The following NECTIN2 variants were observed in gnomAD, a reference collection of about 807,000 sequenced individuals.
The protein encoded by NECTIN2 is nectin cell adhesion molecule 2.
A neutral mutation model predicts 56.9 loss-of-function variants in NECTIN2; 23 were observed. That is an observed-to-expected ratio of 0.40 (90% CI 0.29 to 0.57). The LOEUF is 0.57. Ranked by LOEUF, NECTIN2 falls within the 20% of genes least tolerant of loss-of-function variation. NECTIN2 has a pLI of 0.38. For synonymous variants in NECTIN2, 302 were observed against 313.8 expected (o/e 0.96, Z 0.40); for missense variants, 587 against 718.3 (o/e 0.82, Z 2.09).
At position 44,875,268 on chromosome 19, in the gene NECTIN2, C is replaced by CTT. The variant is rs57907894; in HGVS notation, c.1042+804_1042+805dup. Among the ~76,000 whole-genome samples the CTT allele has an allele frequency of 1.6e-3, 229 of 143,354 alleles. 2 individuals carry two copies. The highest frequency in any genetic ancestry group is 4.6e-3 in the African/African-American group (178 of 38,996). 94.0% of individuals were successfully genotyped at this position (143,354 alleles called of 152,430 possible). ...CAGATGACACCTGGAAAGGGACATT[C>CTT]TTTTTTTTTTTTTTTGAGATGGAGT... On this transcript the variant is annotated intron_variant, in intron 5 of 8. Transcript: ENST00000252483. The surrounding 1 kb of genome is among the most constrained non-coding windows in gnomAD (Gnocchi z 4.2).
chr19:44,856,569 A>G (rs376537935), intron 1 of NECTIN2, among the ~76,000 whole-genome samples: 25 of 152,206 alleles, frequency 1.6e-4, no homozygotes, highest in African/African-American at 5.1e-4. Flanking sequence ...CACAGGCCCA[A>G]ATGGCTTTCC....
Position 44,846,471 on chromosome 19 carries a change from C to T in NECTIN2, c.-55C>T. 7.1e-7 allele frequency: 1 copy of T among 1,412,472 alleles called. No individual in the cohort carries two copies. The highest frequency in any genetic ancestry group is 1.5e-5 in the African/African-American group (1 of 65,674). 87.5% of individuals were successfully genotyped at this position (1,412,472 alleles called of 1,614,324 possible). On this transcript the variant is annotated 5_prime_UTR_variant, in exon 1 of 9. Coordinates refer to ENST00000252483, the MANE Select transcript of NECTIN2 (RefSeq NM_001042724.2). ...TACTAAACCGCCCAGCCGATCGGCC[C>T]CCACAGAGTGGCCCGCGGGCCTCCG...
chr19:44,853,495 CTT>C (rs199956232), intron 1 of NECTIN2, among the ~76,000 whole-genome samples: 2 of 135,292 alleles, frequency 1.5e-5, no homozygotes, highest in Non-Finnish European at 3.2e-5. Context: ...ACAGCTGGCC[CTT>C]TTTTTTTTTG....
intron 2 of NECTIN2, among the ~76,000 whole-genome samples, chr19:44,870,189 G>C (rs1471859874): frequency 2.0e-5 from 3 of 152,168 alleles, no homozygotes; most frequent in Non-Finnish European, 4.4e-5. Context: ...ACCCCAAAGT[G>C]GGTGGAGGCA....
chr19:44,856,325 C>G (rs1279934191), intron 1 of NECTIN2, among the ~76,000 whole-genome samples: 2 of 152,160 alleles, frequency 1.3e-5, no homozygotes, highest in Non-Finnish European at 2.9e-5. Context: ...GACCTATTAG[C>G]CTCCTCCCCA....
chr19:44,878,159 G>A (rs1262858532), intron 5 of NECTIN2: 4 of 622,046 alleles, frequency 6.4e-6, no homozygotes, highest in South Asian at 1.9e-5. Context: ...ACTCCCCAGA[G>A]CGATCCTCGT....
rs201740937 is a variant in NECTIN2, at chr19:44,874,387, C to T, written c.951C>T (p.His317=). 5 of 1,614,154 alleles carry T rather than the reference C, an allele frequency of 3.1e-6. No homozygotes were observed. The African/African-American group carries it at 6.7e-5, about 22-fold the overall frequency. ...AVAQGSQLVI[H]AVDSLFNTTF... ...CCCAGGGCTCCCAGCTGGTCATCCA[C>T]GCAGTGGACAGTCTGTTCAATACCA... The change falls in exon 5 of 9, where the codon CAC becomes CAT. Residue 317 remains histidine (H), a synonymous_variant. Coordinates refer to ENST00000252483, the MANE Select transcript of NECTIN2 (RefSeq NM_001042724.2). This position sits in a 1 kb window ranked among gnomAD's most constrained non-coding sequence, Gnocchi z 6.3.
intron 1 of NECTIN2, 133 bp downstream of exon 1, chr19:44,846,746 TG>T (rs1298035029): frequency 1.9e-6 from 2 of 1,037,080 alleles, no homozygotes; most frequent in Non-Finnish European, 2.6e-6. Flanking sequence ...CCTTCCTGGC[TG>T]GCCCCACAGA....
chr19:44,876,338 C>T (rs962380301), intron 5 of NECTIN2, among the ~76,000 whole-genome samples: 1 of 152,074 alleles, frequency 6.6e-6, no homozygotes, highest in African/African-American at 2.4e-5. Flanking sequence ...CCTGCCCACA[C>T]ACCCAGCAGG....
In NECTIN2 at chr19:44,846,516, CG is replaced by C. The variant is rs1968835639; in HGVS notation, c.-7del. The C allele has an allele frequency of 1.3e-6, 2 of 1,505,036 alleles. No individual in the cohort carries two copies. The highest frequency in any genetic ancestry group is 2.1e-5 in the Admixed American group (1 of 47,738). The allele number at this position is 1,505,036 out of a possible 1,614,324, so 93.2% of individuals were successfully genotyped here. A position where few individuals can be genotyped will look rare whatever the true frequency, so the allele number is the denominator to read the frequency against. ...CCTCCGGCCGGGCCCAGTCCCCTCCCGGGCCCTCCATGGCCCGGGCCGCTGC... is the reference window on the plus strand; with the variant it reads ...CCTCCGGCCGGGCCCAGTCCCCTCCCGGCCCTCCATGGCCCGGGCCGCTGC... On this transcript the variant is annotated 5_prime_UTR_variant, in exon 1 of 9. Coordinates refer to ENST00000252483, the MANE Select transcript of NECTIN2 (RefSeq NM_001042724.2).
Position 44,871,758 on chromosome 19 carries a change from C to T in NECTIN2, c.479-95C>T, listed in dbSNP as rs968239863. ...AGCAGCAGAGCTGGGATTGGAACCCCGGCAGTTAGGGCCTAACCACCCTGC... is the reference window on the plus strand; with the variant it reads ...AGCAGCAGAGCTGGGATTGGAACCCTGGCAGTTAGGGCCTAACCACCCTGC... On this transcript the variant is annotated intron_variant, in intron 2 of 8. Coordinates refer to ENST00000252483, the MANE Select transcript of NECTIN2 (RefSeq NM_001042724.2). The T allele has an allele frequency of 1.5e-5, 20 of 1,371,460 alleles. No individual in the cohort carries two copies. In the African/African-American group the frequency reaches 1.9e-4, roughly 13 times the overall value. 85.0% of individuals were successfully genotyped at this position (1,371,460 alleles called of 1,614,324 possible). A position where few individuals can be genotyped will look rare whatever the true frequency, so the allele number is the denominator to read the frequency against.
At chr19:44,861,696 A>G (rs772089779) in intron 1 of NECTIN2, among the ~76,000 whole-genome samples, 2 of 152,246 alleles carry the variant, frequency 1.3e-5, no homozygotes, top group Non-Finnish European at 2.9e-5. Context: ...AAAGGACACG[A>G]ACAGACACTT....
chr19:44,870,221 G>T (rs953593250), intron 2 of NECTIN2, among the ~76,000 whole-genome samples: 3 of 152,282 alleles, frequency 2.0e-5, no homozygotes, highest in Non-Finnish European at 4.4e-5. Context: ...GGGCGTGGAT[G>T]GGGAGCATGT....
intron 1 of NECTIN2, among the ~76,000 whole-genome samples, chr19:44,855,987 C>G (rs767796796): frequency 3.9e-5 from 6 of 152,310 alleles, no homozygotes; most frequent in Admixed American, 6.5e-5. Flanking sequence ...TCCCTACTAC[C>G]AAATCCCTTC....
At chr19:44,853,562 C>T (rs1968927492) in intron 1 of NECTIN2, among the ~76,000 whole-genome samples, 1 of 151,082 alleles carries the variant, frequency 6.6e-6, no homozygotes, top group South Asian at 2.1e-4. Flanking sequence ...AATCTCAGCT[C>T]ACTACAACCT....
At chr19:44,857,692 GT>G (rs1968981824) in intron 1 of NECTIN2, among the ~76,000 whole-genome samples, 1 of 150,012 alleles carries the variant, frequency 6.7e-6, no homozygotes, top group African/African-American at 2.5e-5. Context: ...GTGAGCCATC[GT>G]GCCGGGTTTT....
intron 5 of NECTIN2, chr19:44,878,628 A>G (rs753807365): frequency 6.3e-7 from 1 of 1,575,338 alleles, no homozygotes; most frequent in Admixed American, 1.7e-5. Flanking sequence ...TGACCTGGAC[A>G]CAGACAGAGA....
intron 1 of NECTIN2, among the ~76,000 whole-genome samples, chr19:44,859,434 G>T (rs911571760): frequency 1.3e-5 from 2 of 152,146 alleles, no homozygotes; most frequent in Non-Finnish European, 2.9e-5. Context: ...GCAGAGCCAG[G>T]ATTCAAACCC....
At chr19:44,878,895 G>A (rs777578636) in intron 5 of NECTIN2, 1,395 of 1,275,380 alleles carry the variant, frequency 1.1e-3, no homozygotes, top group Non-Finnish European at 1.3e-3. Context: ...CCTTCCCCTG[G>A]CCCCGTGACA....
Sources: allele counts gnomAD v4.1 joint callset (sites outside exome capture counted in the v4.1 genomes callset), GRCh38; gene constraint gnomAD v4.1.1; non-coding constraint Gnocchi (gnomAD v3.1); transcripts MANE v1.5; gene names NCBI Gene and HGNC (gene_info 2026-07-23, HGNC 2026-07-21).